Variants in MRPS27 observed in about 807,000 individuals in gnomAD.
The protein encoded by MRPS27 is mitochondrial ribosomal protein S27, also known as small ribosomal subunit protein mS27.
Under a neutral mutation model 48.9 loss-of-function variants are expected in MRPS27, and 43 were observed. That is an observed-to-expected ratio of 0.88 (90% CI 0.69 to 1.13). The LOEUF is 1.13. MRPS27 is among the 50% of genes most tolerant of loss of function. MRPS27 has a pLI of 0.00. For missense variants in MRPS27, 467 were observed against 476.3 expected (o/e 0.98, Z 0.18); for synonymous variants, 188 against 171.9 (o/e 1.09, Z -0.73).
intron 4 of MRPS27, among the ~76,000 whole-genome samples, chr5:72,269,169 G>A (rs1749172127): frequency 1.3e-5 from 2 of 152,148 alleles, no homozygotes; most frequent in South Asian, 4.1e-4. Context: ...GTGTGAACAG[G>A]AACTAAAATT....
Position 72,220,542 on chromosome 5 carries a change from A to T in MRPS27, c.*367T>A, listed in dbSNP as rs547009956. 5 of 180,952 alleles carry T rather than the reference A, an allele frequency of 2.8e-5. No individual in the cohort carries two copies. Among genetic ancestry groups the T allele is most frequent in the South Asian group, 1.8e-4 (1 of 5,506 alleles). 11.2% of individuals were successfully genotyped at this position (180,952 alleles called of 1,614,324 possible). ...GTCTCAAAAAACAAAAACAACAAAAAACAAAAGCCTGTGCTTCAACCTGAC... is the reference window on the plus strand; with the variant it reads ...GTCTCAAAAAACAAAAACAACAAAATACAAAAGCCTGTGCTTCAACCTGAC... On this transcript the variant is annotated 3_prime_UTR_variant, in exon 11 of 11. Coordinates refer to ENST00000261413, the MANE Select transcript of MRPS27 (RefSeq NM_015084.3).
chr5:72,264,701 G>A (rs1378784800), intron 4 of MRPS27, among the ~76,000 whole-genome samples: 2 of 152,134 alleles, frequency 1.3e-5, no homozygotes, highest in Admixed American at 6.5e-5. Context: ...GCCAAGAAAC[G>A]CCAAGGATTG....
chr5:72,273,850 G>A lies in MRPS27; in HGVS notation c.281+21681C>T, dbSNP rs187828963. 8.5e-5 allele frequency among the ~76,000 whole-genome samples: 13 copies of A among 152,130 alleles called. No individual in the cohort carries two copies. In the East Asian group the frequency reaches 1.2e-3, roughly 14 times the overall value. On this transcript the variant is annotated intron_variant, in intron 4 of 10. Transcript: ENST00000261413. The stretch of plus-strand genomic sequence containing the variant: ...CTAAATTTATGGAAAGAAATTTCTC[G>A]CTAATAAATTAACCTTAGCTTCCTG...
At chr5:72,255,029 CTTTTTTTTTTTTTT>C (rs70999273) in intron 4 of MRPS27, among the ~76,000 whole-genome samples, 4 of 72,096 alleles carry the variant, frequency 5.5e-5, no homozygotes, top group East Asian at 4.9e-4. Context: ...CATTTCTTTT[CTTTTTTTTTTTTTT>C]TTTTTTTTTT....
At chr5:72,289,243 C>G (rs1049661014) in intron 4 of MRPS27, among the ~76,000 whole-genome samples, 3 of 152,168 alleles carry the variant, frequency 2.0e-5, no homozygotes, top group Non-Finnish European at 4.4e-5. Flanking sequence ...GCTTGCCACG[C>G]AATCTGAACT....
At chr5:72,248,884 G>T (rs944657872) in intron 4 of MRPS27, among the ~76,000 whole-genome samples, 168 of 152,270 alleles carry the variant, frequency 1.1e-3, no homozygotes, top group African/African-American at 3.9e-3. Context: ...GCTGCACTTT[G>T]TGGGAGAGAA....
intron 2 of MRPS27, among the ~76,000 whole-genome samples, chr5:72,313,651 T>C (rs1267555087): frequency 1.1e-4 from 17 of 152,184 alleles, no homozygotes; most frequent in Admixed American, 1.0e-3. Flanking sequence ...TACATGAGAT[T>C]GTAACATTGC....
intron 4 of MRPS27, among the ~76,000 whole-genome samples, chr5:72,258,781 T>A (rs1580077010): frequency 6.6e-6 from 1 of 152,298 alleles, no homozygotes. Flanking sequence ...TAAATCTCTG[T>A]TATTGATAAA....
Position 72,238,011 on chromosome 5 carries a change from C to T in MRPS27, c.396+3G>A, listed in dbSNP as rs750826951. The T allele has an allele frequency of 5.6e-6, 9 of 1,601,652 alleles. No individual in the cohort carries two copies. In the Admixed American group the frequency reaches 1.2e-4, roughly 21 times the overall value. On this transcript the variant is annotated splice_donor_region_variant and intron_variant, in intron 5 of 10. Coordinates refer to ENST00000261413, the MANE Select transcript of MRPS27 (RefSeq NM_015084.3). Reference sequence around the variant, plus strand: ...CAGGCTGCAGATCCACGGAACAACTCACCTTATTTACAAGGGTATATAGGG... The same window carrying T: ...CAGGCTGCAGATCCACGGAACAACTTACCTTATTTACAAGGGTATATAGGG...
intron 4 of MRPS27, among the ~76,000 whole-genome samples, chr5:72,284,911 T>C (rs1460453456): frequency 6.6e-6 from 1 of 152,208 alleles, no homozygotes; most frequent in East Asian, 1.9e-4. Flanking sequence ...TTGATGGACG[T>C]AATCTTTTAC....
intron 4 of MRPS27, among the ~76,000 whole-genome samples, chr5:72,259,487 A>C (rs867614338): frequency 6.9e-5 from 10 of 144,148 alleles, no homozygotes; most frequent in Middle Eastern, 3.5e-3. Flanking sequence ...AAAAAAAAAA[A>C]TCCAATTCCC....
At chr5:72,319,984 G>A (rs1178681942) in intron 1 of MRPS27, 165 bp downstream of exon 1, 1 of 677,254 alleles carries the variant, frequency 1.5e-6, no homozygotes, top group Non-Finnish European at 2.6e-6. Context: ...TTTAGGGAAG[G>A]AAATGGATCA....
intron 4 of MRPS27, among the ~76,000 whole-genome samples, chr5:72,281,600 T>C (rs1749534859): frequency 6.6e-6 from 1 of 152,150 alleles, no homozygotes; most frequent in Non-Finnish European, 1.5e-5. Context: ...ACACAGGCTG[T>C]ATTCTGTTAG....
intron 4 of MRPS27, among the ~76,000 whole-genome samples, chr5:72,255,411 G>C (rs1748775267): frequency 6.6e-6 from 1 of 152,074 alleles, no homozygotes; most frequent in African/African-American, 2.4e-5. Flanking sequence ...AAGAATAGCA[G>C]AAGTGGATAT....
intron 4 of MRPS27, among the ~76,000 whole-genome samples, chr5:72,265,775 T>C (rs1208478168): frequency 6.6e-6 from 1 of 152,228 alleles, no homozygotes; most frequent in Non-Finnish European, 1.5e-5. Flanking sequence ...AAGCCATTAA[T>C]ATAACTCGTA....
At chr5:72,288,056 G>A (rs1371224367) in intron 4 of MRPS27, among the ~76,000 whole-genome samples, 1 of 152,096 alleles carries the variant, frequency 6.6e-6, no homozygotes, top group African/African-American at 2.4e-5. Context: ...AACCATCTAA[G>A]GTATGAGATC....
At chr5:72,307,286 A>T (rs1228416446) in intron 2 of MRPS27, among the ~76,000 whole-genome samples, 5 of 152,194 alleles carry the variant, frequency 3.3e-5, no homozygotes, top group Admixed American at 6.5e-5. Context: ...TGGGAGGAGG[A>T]GGTTTAAGCG....
intron 4 of MRPS27, among the ~76,000 whole-genome samples, chr5:72,273,718 A>G (rs1055647134): frequency 1.3e-5 from 2 of 152,228 alleles, no homozygotes; most frequent in African/African-American, 4.8e-5. Context: ...TAGAGCTTGT[A>G]GCACTACAAG....
intron 4 of MRPS27, among the ~76,000 whole-genome samples, chr5:72,286,460 T>A (rs1414879650): frequency 6.6e-6 from 1 of 152,106 alleles, no homozygotes; most frequent in Non-Finnish European, 1.5e-5. Context: ...AAACTAATTA[T>A]CAACAAAGGT....
Sources: allele counts gnomAD v4.1 joint callset (sites outside exome capture counted in the v4.1 genomes callset), GRCh38; gene constraint gnomAD v4.1.1; transcripts MANE v1.5; gene names NCBI Gene and HGNC (gene_info 2026-07-23, HGNC 2026-07-21).